Variants in JARID2 observed in about 807,000 individuals in gnomAD.
JARID2 encodes jumonji and AT-rich interaction domain containing 2, also known as protein Jumonji.
Under a neutral mutation model 125.6 loss-of-function variants are expected in JARID2, and 21 were observed. The ratio of observed to expected loss-of-function variants is 0.17; its 90% CI spans 0.12 to 0.24. The LOEUF (loss-of-function observed/expected upper bound fraction) is 0.24. Ranked by LOEUF, JARID2 falls within the 10% of genes least tolerant of loss-of-function variation. JARID2 has a pLI of 1.00. For missense variants in JARID2, 1,303 were observed against 1,639.6 expected (o/e 0.79, Z 3.55); for synonymous variants, 736 against 661.6 (o/e 1.11, Z -1.73).
At chr6:15,274,341 A>C (rs998326786) in intron 1 of JARID2, among the ~76,000 whole-genome samples, 1 of 152,176 alleles carries the variant, frequency 6.6e-6, no homozygotes, top group South Asian at 2.1e-4. Flanking sequence ...GGTTCTTTAG[A>C]GGTAGGCATA....
At chr6:15,460,638 C>T (rs922181245) in intron 4 of JARID2, among the ~76,000 whole-genome samples, 5 of 152,250 alleles carry the variant, frequency 3.3e-5, no homozygotes, top group South Asian at 2.1e-4. Context: ...TCACATGATT[C>T]GCACAAAGAC....
intron 1 of JARID2, among the ~76,000 whole-genome samples, chr6:15,284,604 A>G (rs1172463101): frequency 6.7e-6 from 1 of 149,750 alleles, no homozygotes; most frequent in Non-Finnish European, 1.5e-5. Flanking sequence ...CTCCTGCCTC[A>G]GCCTCCCAAG....
chr6:15,477,240 T>C (rs182171105), intron 5 of JARID2, among the ~76,000 whole-genome samples: 77 of 152,246 alleles, frequency 5.1e-4, no homozygotes, highest in Non-Finnish European at 1.0e-3. Flanking sequence ...TTCTGCTCTG[T>C]GGTTGCCTTT....
intron 3 of JARID2, among the ~76,000 whole-genome samples, chr6:15,436,239 C>T (rs1255278074): frequency 2.0e-5 from 3 of 152,136 alleles, no homozygotes; most frequent in Non-Finnish European, 2.9e-5. Flanking sequence ...TCGGATCACA[C>T]GTGGGCTTGG....
intron 1 of JARID2, among the ~76,000 whole-genome samples, chr6:15,358,822 T>C (rs1300071712): frequency 6.6e-6 from 1 of 152,234 alleles, no homozygotes; most frequent in Non-Finnish European, 1.5e-5. Context: ...TGTCAGAATA[T>C]AGATTTTTTC....
chr6:15,378,247 A>C (rs965063185), intron 2 of JARID2, among the ~76,000 whole-genome samples: 1 of 151,128 alleles, frequency 6.6e-6, no homozygotes, highest in Admixed American at 6.6e-5. Flanking sequence ...TTCCTTTTCA[A>C]ATGTCAAAAT....
intron 1 of JARID2, among the ~76,000 whole-genome samples, chr6:15,252,729 G>A (rs937309195): frequency 1.3e-5 from 2 of 151,192 alleles, no homozygotes; most frequent in Non-Finnish European, 2.9e-5. Flanking sequence ...AAATGAATCT[G>A]TTTTTTCATG....
At chr6:15,304,303 T>TTCCCCCCCCC (rs1761736096) in intron 1 of JARID2, among the ~76,000 whole-genome samples, 1 of 26,716 alleles carries the variant, frequency 3.7e-5, no homozygotes, top group African/African-American at 1.3e-4. Flanking sequence ...AATTTGCTGA[T>TTCCCCCCCCC]CCCCCCCCCC....
intron 1 of JARID2, among the ~76,000 whole-genome samples, chr6:15,310,726 CG>C (rs1179590274): frequency 1.3e-5 from 2 of 152,158 alleles, no homozygotes; most frequent in Non-Finnish European, 2.9e-5. Flanking sequence ...TTCCCATCCC[CG>C]CTTGGCTCTT....
intron 1 of JARID2, among the ~76,000 whole-genome samples, chr6:15,259,260 C>T (rs1759782992): frequency 6.6e-6 from 1 of 152,206 alleles, no homozygotes; most frequent in Admixed American, 6.5e-5. Flanking sequence ...CCTAAATTGC[C>T]TCCTTTTCCA....
At chr6:15,389,861 T>A (rs1318905374) in intron 2 of JARID2, among the ~76,000 whole-genome samples, 1 of 152,226 alleles carries the variant, frequency 6.6e-6, no homozygotes, top group Non-Finnish European at 1.5e-5. Context: ...CTTTGATGTT[T>A]TGATGTTTCA....
intron 1 of JARID2, among the ~76,000 whole-genome samples, chr6:15,353,554 A>G (rs779913999): frequency 1.1e-4 from 16 of 152,326 alleles, no homozygotes; most frequent in East Asian, 1.9e-4. Flanking sequence ...TCGAATGCCA[A>G]TTGATCGTGG....
chr6:15,415,504 C>T (rs1277359177), intron 3 of JARID2, among the ~76,000 whole-genome samples: 2 of 130,192 alleles, frequency 1.5e-5, no homozygotes, highest in Admixed American at 7.5e-5. Flanking sequence ...CTCCTCACTT[C>T]CCAGTAGGGG....
chr6:15,408,765 A>G (rs901865449), intron 2 of JARID2, among the ~76,000 whole-genome samples: 1 of 152,234 alleles, frequency 6.6e-6, no homozygotes, highest in Non-Finnish European at 1.5e-5. Context: ...CAGTAGCTGC[A>G]CATGACTAGT....
At chr6:15,326,029 T>C (rs551959115) in intron 1 of JARID2, among the ~76,000 whole-genome samples, 1 of 152,386 alleles carries the variant, frequency 6.6e-6, no homozygotes, top group South Asian at 2.1e-4. Flanking sequence ...TGAATTAATA[T>C]GAAATTTGTT....
chr6:15,431,043 C>T (rs1766945838), intron 3 of JARID2, among the ~76,000 whole-genome samples: 3 of 152,160 alleles, frequency 2.0e-5, no homozygotes, highest in Admixed American at 2.0e-4. Context: ...GTTGTTCCGG[C>T]AAATACCATT....
At chr6:15,513,123 C>A in intron 15 of JARID2, 78 bp downstream of exon 15, 1 of 1,600,132 alleles carries the variant, frequency 6.2e-7, no homozygotes, top group Non-Finnish European at 8.5e-7. Context: ...GCAGGCCTCA[C>A]TTCCTGACAG....
intron 5 of JARID2, among the ~76,000 whole-genome samples, chr6:15,471,808 G>GA (rs1243123334): frequency 6.6e-6 from 1 of 152,132 alleles, no homozygotes; most frequent in African/African-American, 2.4e-5. Context: ...GAATGAGGGT[G>GA]AAGGGATAGG....
chr6:15,282,482 T>G (rs898851080), intron 1 of JARID2, among the ~76,000 whole-genome samples: 1 of 152,192 alleles, frequency 6.6e-6, no homozygotes, highest in Admixed American at 6.5e-5. Context: ...TTCATAACTT[T>G]TATCCACTAT....
Sources: gnomAD v4.1 joint callset for allele counts (sites outside exome capture counted in the v4.1 genomes callset) on GRCh38, gnomAD v4.1.1 for gene constraint, MANE v1.5 for transcripts, NCBI Gene and HGNC (gene_info 2026-07-23, HGNC 2026-07-21) for gene names.